LRRTM4: variants seen among roughly 807,000 people sequenced by gnomAD.
The protein encoded by LRRTM4 is leucine rich repeat transmembrane neuronal 4.
A neutral mutation model predicts 47.6 loss-of-function variants in LRRTM4; 25 were observed. The ratio of observed to expected loss-of-function variants is 0.53; its 90% CI spans 0.38 to 0.73. The LOEUF (loss-of-function observed/expected upper bound fraction) is 0.73, where lower values mean the gene tolerates loss of function less well. Among genes scored for constraint, LRRTM4 ranks in the 30% least tolerant of loss-of-function variants. LRRTM4 has a pLI of 0.00. For synonymous variants in LRRTM4, 311 were observed against 269.5 expected (o/e 1.15, Z -1.51); for missense variants, 638 against 713.4 (o/e 0.89, Z 1.20).
At position 76,850,763 on chromosome 2, in the gene LRRTM4, T is replaced by C. The variant is rs564760928; in HGVS notation, c.1552-101847A>G. 3.9e-5 allele frequency among the ~76,000 whole-genome samples: 6 copies of C among 152,272 alleles called. No individual in the cohort carries two copies. The South Asian group carries it at 1.0e-3, about 26-fold the overall frequency. On this transcript the variant is annotated intron_variant, in intron 3 of 3. Transcript: ENST00000409884. ...TCATAGCACCTGATCCAATATAATA[T>C]ACAGAATTTTCTCTATAAATATCCT...
intron 3 of LRRTM4, among the ~76,000 whole-genome samples, chr2:76,795,872 G>C (rs907512022): frequency 3.3e-5 from 5 of 151,992 alleles, no homozygotes; most frequent in African/African-American, 7.3e-5. Flanking sequence ...CGACGCAGAA[G>C]ACGGGTGATT....
At chr2:76,926,934 G>A (rs746063626) in intron 3 of LRRTM4, among the ~76,000 whole-genome samples, 2 of 152,056 alleles carry the variant, frequency 1.3e-5, no homozygotes, top group Non-Finnish European at 2.9e-5. Flanking sequence ...CATCCTCCTC[G>A]TTTCACCAGG....
At chr2:76,916,117 T>C (rs899026987) in intron 3 of LRRTM4, among the ~76,000 whole-genome samples, 16 of 151,900 alleles carry the variant, frequency 1.1e-4, no homozygotes, top group African/African-American at 3.9e-4. Context: ...AGATAAAATA[T>C]ACATAGAATA....
intron 3 of LRRTM4, among the ~76,000 whole-genome samples, chr2:76,901,401 A>G (rs1027130138): frequency 3.9e-5 from 6 of 152,124 alleles, no homozygotes; most frequent in Non-Finnish European, 7.3e-5. Context: ...CTATGTCTGT[A>G]TAGTATTCCA....
chr2:77,330,349 G>A (rs1018061993), intron 3 of LRRTM4, among the ~76,000 whole-genome samples: 1 of 152,026 alleles, frequency 6.6e-6, no homozygotes. Flanking sequence ...CTCACAGAAG[G>A]AGCTGACATC....
intron 3 of LRRTM4, among the ~76,000 whole-genome samples, chr2:77,052,535 C>T (rs1007860093): frequency 1.1e-4 from 17 of 152,044 alleles, no homozygotes; most frequent in African/African-American, 3.9e-4. Context: ...CCATGTTACT[C>T]ATCTAATAAG....
chr2:76,895,393 C>A (rs539723971), intron 3 of LRRTM4, among the ~76,000 whole-genome samples: 46 of 152,086 alleles, frequency 3.0e-4, no homozygotes, highest in Admixed American at 7.2e-4. Flanking sequence ...GTCTGTGTAG[C>A]CTGTAAAATT....
At chr2:77,135,586 C>T (rs970125200) in intron 3 of LRRTM4, among the ~76,000 whole-genome samples, 4 of 152,170 alleles carry the variant, frequency 2.6e-5, no homozygotes, top group Non-Finnish European at 5.9e-5. Flanking sequence ...ATTACAATGA[C>T]TCATTCTAAT....
chr2:77,027,476 G>C (rs1302956011), intron 3 of LRRTM4, among the ~76,000 whole-genome samples: 1 of 152,132 alleles, frequency 6.6e-6, no homozygotes, highest in Admixed American at 6.5e-5. Flanking sequence ...TCAATAGCCA[G>C]GTGGCAGCAA....
chr2:76,817,548 G>C (rs1185661685), intron 3 of LRRTM4, among the ~76,000 whole-genome samples: 2 of 151,840 alleles, frequency 1.3e-5, no homozygotes, highest in African/African-American at 4.8e-5. Context: ...GAAAGATTAG[G>C]AAACTTATTC....
intron 3 of LRRTM4, among the ~76,000 whole-genome samples, chr2:77,198,290 AC>A (rs1256163005): frequency 2.0e-5 from 3 of 152,146 alleles, no homozygotes; most frequent in Non-Finnish European, 4.4e-5. Flanking sequence ...TCCACCACTT[AC>A]TGGCCAGAAC....
chr2:77,098,095 T>G (rs938428301), intron 3 of LRRTM4, among the ~76,000 whole-genome samples: 1 of 151,994 alleles, frequency 6.6e-6, no homozygotes, highest in Non-Finnish European at 1.5e-5. Context: ...AAAATGAAAC[T>G]TATTATTCAC....
intron 3 of LRRTM4, among the ~76,000 whole-genome samples, chr2:76,766,184 C>G (rs547398526): frequency 6.6e-6 from 1 of 152,288 alleles, no homozygotes; most frequent in South Asian, 2.1e-4. Context: ...TTACATAGTA[C>G]AGATCTTTAT....
chr2:76,897,691 T>A (rs773243568), intron 3 of LRRTM4, among the ~76,000 whole-genome samples: 4 of 152,186 alleles, frequency 2.6e-5, no homozygotes, highest in Non-Finnish European at 4.4e-5. Flanking sequence ...AGGCAAATAC[T>A]ATTTTTTAAT....
chr2:77,477,192 A>C (rs1401098293), intron 3 of LRRTM4, among the ~76,000 whole-genome samples: 1 of 152,182 alleles, frequency 6.6e-6, no homozygotes, highest in Non-Finnish European at 1.5e-5. Flanking sequence ...GATCATGATG[A>C]AATCATTAGC....
chr2:77,483,648 G>A (rs1209435295), intron 3 of LRRTM4, among the ~76,000 whole-genome samples: 1 of 152,102 alleles, frequency 6.6e-6, no homozygotes, highest in Non-Finnish European at 1.5e-5. Context: ...GCAGGGAAGA[G>A]GACTTTGAGT....
chr2:76,871,808 G>T (rs768464085), intron 3 of LRRTM4, among the ~76,000 whole-genome samples: 20 of 152,212 alleles, frequency 1.3e-4, no homozygotes, highest in Non-Finnish European at 2.6e-4. Context: ...CTGCCCTATG[G>T]AAGAGCCCAC....
At chr2:77,190,519 C>T (rs1673639007) in intron 3 of LRRTM4, among the ~76,000 whole-genome samples, 1 of 151,930 alleles carries the variant, frequency 6.6e-6, no homozygotes, top group African/African-American at 2.4e-5. Context: ...AGGCTGGTCT[C>T]GAACTCCTGA....
At chr2:77,010,431 C>A (rs1241504865) in intron 3 of LRRTM4, among the ~76,000 whole-genome samples, 1 of 150,976 alleles carries the variant, frequency 6.6e-6, no homozygotes, top group East Asian at 1.9e-4. Flanking sequence ...TAATGTCTTC[C>A]TGGTTGATCC....
Sources: gnomAD v4.1 joint callset for allele counts (sites outside exome capture counted in the v4.1 genomes callset) on GRCh38, gnomAD v4.1.1 for gene constraint, MANE v1.5 for transcripts, NCBI Gene and HGNC (gene_info 2026-07-23, HGNC 2026-07-21) for gene names.